SHANK2: variants seen among roughly 807,000 people sequenced by gnomAD.
SHANK2 encodes SH3 and multiple ankyrin repeat domains 2.
In SHANK2, 43 loss-of-function variants were observed where a neutral mutation model predicts 133.7. The observed-to-expected ratio is 0.32, with a 90% confidence interval of 0.25 to 0.41. SHANK2 has a LOEUF of 0.41. SHANK2 is among the 10% of genes least tolerant of loss of function. The pLI, the probability that SHANK2 is intolerant of heterozygous loss-of-function variation, is 1.00. For missense variants in SHANK2, 1,994 were observed against 2,235.8 expected, an observed-to-expected ratio of 0.89 and a Z score of 2.18; for synonymous variants, 1,017 against 952.8, an observed-to-expected ratio of 1.07 and a Z score of -1.24.
chr11:70,582,047 G>A (rs532048182), intron 17 of SHANK2, among the ~76,000 whole-genome samples: 4 of 152,306 alleles, frequency 2.6e-5, no homozygotes, highest in South Asian at 4.1e-4. Context: ...GACAGATCCC[G>A]GGCCAGGTCC....
intron 17 of SHANK2, among the ~76,000 whole-genome samples, chr11:70,523,912 C>T (rs543948387): frequency 6.6e-5 from 10 of 152,270 alleles, no homozygotes; most frequent in East Asian, 3.9e-4. Flanking sequence ...TGTGCTGCTC[C>T]GCACGGCCAC....
At chr11:70,712,264 ACCCTTGG>A (rs1431940065) in intron 14 of SHANK2, among the ~76,000 whole-genome samples, 1 of 151,902 alleles carries the variant, frequency 6.6e-6, no homozygotes, top group African/African-American at 2.4e-5. Flanking sequence ...ACATTTAAGG[ACCCTTGG>A]GGTCACACTG....
chr11:70,719,805 G>A lies in SHANK2; in HGVS notation c.1778-21042C>T, dbSNP rs1019358676. ...ACACGAGATCCTCTTGTCCCACTGC[G>A]CTGGAATCTTAAAGGTTCCTGTCCT... On this transcript the variant is annotated intron_variant, in intron 14 of 25. Transcript: ENST00000601538. 8.6e-5 allele frequency among the ~76,000 whole-genome samples: 13 copies of A among 151,054 alleles called. No individual in the cohort carries two copies. The South Asian group carries it at 1.1e-3, about 12-fold the overall frequency.
chr11:70,917,805 A>G (rs1555080085), intron 10 of SHANK2, among the ~76,000 whole-genome samples: 2 of 152,208 alleles, frequency 1.3e-5, no homozygotes, highest in African/African-American at 4.8e-5. Flanking sequence ...ACTAAATGTT[A>G]AGAACACATG....
intron 2 of SHANK2, among the ~76,000 whole-genome samples, chr11:71,208,948 T>A (rs1954189102): frequency 6.6e-6 from 1 of 152,168 alleles, no homozygotes; most frequent in South Asian, 2.1e-4. Context: ...ACGTTACATG[T>A]CTCCAGGAAA....
chr11:71,226,038 C>A lies in SHANK2; in HGVS notation c.-112-1242G>T, dbSNP rs188586881. 1.6e-3 allele frequency among the ~76,000 whole-genome samples: 244 copies of A among 152,226 alleles called. 1 individual carries two copies. Among genetic ancestry groups the A allele is most frequent in the African/African-American group, 5.7e-3 (237 of 41,482 alleles). On this transcript the variant is annotated intron_variant, in intron 1 of 25. Transcript: ENST00000601538. ...TCAGGAGGCTGAGGCAGGAGAATCA[C>A]CTGGACCCAGGAGGTAGAGGTTGCA...
chr11:70,879,800 G>A (rs1414941595), intron 11 of SHANK2, among the ~76,000 whole-genome samples: 1 of 152,166 alleles, frequency 6.6e-6, no homozygotes, highest in Non-Finnish European at 1.5e-5. Context: ...AGCTGAATGG[G>A]GCCTCGGCTG....
intron 11 of SHANK2, among the ~76,000 whole-genome samples, chr11:70,856,565 T>A (rs918080041): frequency 6.6e-6 from 1 of 152,048 alleles, no homozygotes; most frequent in Non-Finnish European, 1.5e-5. Context: ...GCTGGATGAA[T>A]GAATGGGAGG....
At chr11:70,647,104 G>C (rs369704038) in intron 17 of SHANK2, among the ~76,000 whole-genome samples, 2 of 152,138 alleles carry the variant, frequency 1.3e-5, no homozygotes, top group African/African-American at 4.8e-5. Flanking sequence ...GACCTCAGGG[G>C]ATCTGCCTGC....
rs138123537 is a variant in SHANK2 at position 70,473,546 on chromosome 11, G to A, written c.4980-107C>T. 7.0e-5 allele frequency: 75 copies of A among 1,078,872 alleles called. No individual in the cohort carries two copies. The African/African-American group carries it at 8.5e-4, about 12-fold the overall frequency. The allele number at this position is 1,078,872 out of a possible 1,614,324, so 66.8% of individuals were successfully genotyped here. Reference sequence around the variant, plus strand: ...AGGGAGACGCCCAAACCATGCCAGAGTGTCTAGTGGCAGATCCACTGGCAG... The same window carrying A: ...AGGGAGACGCCCAAACCATGCCAGAATGTCTAGTGGCAGATCCACTGGCAG... On this transcript the variant is annotated intron_variant, in intron 25 of 25. Transcript: ENST00000601538. This position sits in a 1 kb window ranked among gnomAD's most constrained non-coding sequence, Gnocchi z 5.9.
intron 17 of SHANK2, among the ~76,000 whole-genome samples, chr11:70,606,024 G>A (rs116335456): frequency 0.01 from 1,536 of 152,222 alleles, 32 homozygotes; most frequent in African/African-American, 0.035. Context: ...AACCATCCGA[G>A]GGTCGGGCTC....
intron 14 of SHANK2, among the ~76,000 whole-genome samples, chr11:70,767,304 T>C (rs1947142630): frequency 6.6e-6 from 1 of 152,102 alleles, no homozygotes; most frequent in South Asian, 2.1e-4. Context: ...TTTCGAAAAG[T>C]TAAACACAGA....
chr11:70,860,697 G>A (rs974126479), intron 11 of SHANK2, among the ~76,000 whole-genome samples: 4 of 152,078 alleles, frequency 2.6e-5, no homozygotes, highest in African/African-American at 9.7e-5. Context: ...AATGAAATGC[G>A]AGCATGCATT....
intron 18 of SHANK2, 56 bp downstream of exon 18, chr11:70,502,740 C>CT (rs2059075663): frequency 3.8e-6 from 2 of 521,890 alleles, no homozygotes; most frequent in Non-Finnish European, 6.2e-6. Flanking sequence ...TGCCCGCCCC[C>CT]ACCCCCCCCC....
At chr11:70,707,894 A>T (rs1345916441) in intron 14 of SHANK2, among the ~76,000 whole-genome samples, 2 of 152,172 alleles carry the variant, frequency 1.3e-5, no homozygotes, top group Non-Finnish European at 1.5e-5. Flanking sequence ...CCCCAGTTAC[A>T]GAGGGCTGGG....
chr11:71,059,777 C>T (rs1950965422), intron 9 of SHANK2, among the ~76,000 whole-genome samples: 2 of 152,214 alleles, frequency 1.3e-5, no homozygotes, highest in Non-Finnish European at 2.9e-5. Context: ...AAGGCCGCCC[C>T]GTCTCTGCGT....
At chr11:70,510,786 G>T (rs1376471071) in intron 17 of SHANK2, among the ~76,000 whole-genome samples, 12 of 152,184 alleles carry the variant, frequency 7.9e-5, no homozygotes, top group African/African-American at 2.7e-4. Context: ...GCACACAAAG[G>T]GTGGAGCCCA....
rs771245145 is a variant in SHANK2, at chr11:71,175,781, A to G, written c.-12-28443T>C. ...GAGAGGAAATAATGAGGTGAGCCCT[A>G]TGATGACTCCCAGCTTTCTGCCTCC... On this transcript the variant is annotated intron_variant, in intron 2 of 25. Transcript: ENST00000601538. The surrounding 1 kb of genome is among the most constrained non-coding windows in gnomAD (Gnocchi z 4.2). 2.6e-5 allele frequency among the ~76,000 whole-genome samples: 4 copies of G among 152,230 alleles called. No individual in the cohort carries two copies. Among genetic ancestry groups the G allele is most frequent in the South Asian group, 2.1e-4 (1 of 4,826 alleles).
intron 17 of SHANK2, among the ~76,000 whole-genome samples, chr11:70,624,777 G>C (rs61886375): frequency 0.16 from 25,066 of 152,172 alleles, 2,679 homozygotes; most frequent in Non-Finnish European, 0.25. Flanking sequence ...GAGTGATCCT[G>C]CTAGAAACGT....
Sources: gnomAD v4.1 joint callset for allele counts (sites outside exome capture counted in the v4.1 genomes callset) on GRCh38, gnomAD v4.1.1 for gene constraint, Gnocchi (gnomAD v3.1) non-coding constraint, MANE v1.5 for transcripts, NCBI Gene and HGNC (gene_info 2026-07-23, HGNC 2026-07-21) for gene names.